Variants in ARPC5L observed in about 807,000 individuals in gnomAD.
The protein encoded by ARPC5L is actin related protein 2/3 complex subunit 5 like.
In ARPC5L, 4 loss-of-function variants were observed where a neutral mutation model predicts 16.9. That is an observed-to-expected ratio of 0.24 (90% CI 0.12 to 0.54). The LOEUF (loss-of-function observed/expected upper bound fraction) is 0.54, where lower values mean the gene tolerates loss of function less well. Among genes scored for constraint, ARPC5L ranks in the 20% least tolerant of loss-of-function variants. The pLI is 0.95. For missense variants in ARPC5L, 151 were observed against 201.9 expected, an observed-to-expected ratio of 0.75 and a Z score of 1.53; for synonymous variants, 78 against 82.6, an observed-to-expected ratio of 0.94 and a Z score of 0.30.
chr9:124,875,170 G>A lies in ARPC5L; in HGVS notation c.399+19G>A, dbSNP rs767697734. 16 of 1,606,432 alleles carry A rather than the reference G, an allele frequency of 1.0e-5. No individual in the cohort carries two copies. The highest frequency in any genetic ancestry group is 2.2e-5 in the East Asian group (1 of 44,788). On this transcript the variant is annotated intron_variant, in intron 5 of 5. Transcript: ENST00000353214. The stretch of plus-strand genomic sequence containing the variant: ...CGAAAAGGTATGTGAACGCTGCCAC[G>A]CGCCCCAGTGAGCCACCTGGCTTGC...
intron 2 of ARPC5L, among the ~76,000 whole-genome samples, chr9:124,867,803 CTTTTCTTTTT>C: frequency 8.3e-6 from 1 of 120,170 alleles, no homozygotes; most frequent in East Asian, 2.4e-4. Flanking sequence ...CTTTTCTTTT[CTTTTCTTTTT>C]TTTTTTTTTT....
At chr9:124,871,819 C>G (rs1564312394) in intron 3 of ARPC5L, among the ~76,000 whole-genome samples, 1 of 152,114 alleles carries the variant, frequency 6.6e-6, no homozygotes, top group African/African-American at 2.4e-5. Flanking sequence ...GGGGATGCCA[C>G]TGGAATCCAG....
At chr9:124,866,704 G>A (rs2131330651) in intron 2 of ARPC5L, among the ~76,000 whole-genome samples, 1 of 152,170 alleles carries the variant, frequency 6.6e-6, no homozygotes. Context: ...GGCAATAAGA[G>A]CAAAACTCCG....
In ARPC5L at chr9:124,869,376, A is replaced by AGGCGGCGGC. The variant is rs757429790; in HGVS notation, c.98_106dup (p.Ala33_Ala35dup). 23 of 1,517,912 alleles carry AGGCGGCGGC rather than the reference A, an allele frequency of 1.5e-5. No individual in the cohort carries two copies. Among genetic ancestry groups the AGGCGGCGGC allele is most frequent in the African/African-American group, 2.9e-5 (2 of 68,590 alleles). The allele number at this position is 1,517,912 out of a possible 1,614,324, so 94.0% of individuals were successfully genotyped here. ...AACAAATTTGTGGACGAGCAGGAGGAGGCGGCGGCGGCGGCGGCGGAGCCA... is the reference window on the plus strand; with the variant it reads ...AACAAATTTGTGGACGAGCAGGAGGAGGCGGCGGCGGCGGCGGCGGCGGCGGCGGAGCCA... On this transcript the variant is annotated inframe_insertion, in exon 3 of 6. Transcript: ENST00000353214.
At chr9:124,874,356 A>G (rs902799466) in intron 4 of ARPC5L, among the ~76,000 whole-genome samples, 2 of 152,104 alleles carry the variant, frequency 1.3e-5, no homozygotes, top group South Asian at 4.1e-4. Context: ...TTATTTTTTA[A>G]TAGTCCACCA....
At position 124,869,037 on chromosome 9, in the gene ARPC5L, T is replaced by A. The variant is rs1291646867; in HGVS notation, c.-254T>A. 2.1e-5 allele frequency: 8 copies of A among 376,380 alleles called. No homozygotes were observed. In the East Asian group the frequency reaches 3.4e-4, roughly 16 times the overall value. 23.3% of individuals were successfully genotyped at this position (376,380 alleles called of 1,614,324 possible). Reference sequence around the variant, plus strand: ...AATAGAGACTCCGTGGAAGGGACACTGAGGTGGGGGAGGCTGCGGTGATCC... The same window carrying A: ...AATAGAGACTCCGTGGAAGGGACACAGAGGTGGGGGAGGCTGCGGTGATCC... On this transcript the variant is annotated 5_prime_UTR_variant, in exon 3 of 6. Transcript: ENST00000353214.
intron 3 of ARPC5L, among the ~76,000 whole-genome samples, chr9:124,870,556 C>T (rs989585481): frequency 6.6e-6 from 1 of 152,116 alleles, no homozygotes; most frequent in Non-Finnish European, 1.5e-5. Flanking sequence ...AAACCGAAAA[C>T]CTTCAGACTT....
At chr9:124,868,112 C>G (rs150335579) in intron 2 of ARPC5L, among the ~76,000 whole-genome samples, 1 of 152,050 alleles carries the variant, frequency 6.6e-6, no homozygotes, top group Non-Finnish European at 1.5e-5. Context: ...CCACTAGTTT[C>G]CCACTATGGG....
chr9:124,874,855 T>C (rs1468297075), intron 4 of ARPC5L, 120 bp from the exon 5 acceptor site: 2 of 1,243,870 alleles, frequency 1.6e-6, no homozygotes, highest in Non-Finnish European at 2.3e-6. Flanking sequence ...ATTTTAACCA[T>C]CCTGGACGAA....
intron 1 of ARPC5L, 45 bp from the exon 2 acceptor site, chr9:124,863,943 A>G (rs1435460696): frequency 2.0e-5 from 3 of 152,228 alleles, no homozygotes; most frequent in African/African-American, 4.8e-5. Flanking sequence ...CTTAGCCCCA[A>G]ACAGGCTGAA....
At chr9:124,864,250 A>G (rs1054750116) in intron 2 of ARPC5L, 143 bp downstream of exon 2, 2 of 151,790 alleles carry the variant, frequency 1.3e-5, no homozygotes, top group Non-Finnish European at 2.9e-5. Context: ...CAGTGGCACA[A>G]TTTCAGCTCA....
intron 3 of ARPC5L, chr9:124,872,691 C>T (rs1829377178): frequency 6.6e-6 from 1 of 152,254 alleles, no homozygotes; most frequent in Non-Finnish European, 1.5e-5. Context: ...AACTGAAAGA[C>T]AGAGGGACTG....
Position 124,877,136 on chromosome 9 carries a change from G to A in ARPC5L, c.*196G>A. On this transcript the variant is annotated 3_prime_UTR_variant, in exon 6 of 6. Transcript: ENST00000353214. ...CCTAAATCCTGTTTAGGATCTGATA[G>A]TCTATGCCTTTGTCTCCGAGTACTG... 8.6e-6 allele frequency: 5 copies of A among 582,348 alleles called. No homozygotes were observed. The East Asian group carries it at 1.2e-4, about 14-fold the overall frequency. 36.1% of individuals were successfully genotyped at this position (582,348 alleles called of 1,614,324 possible).
intron 3 of ARPC5L, among the ~76,000 whole-genome samples, chr9:124,870,287 A>G (rs1322276552): frequency 1.3e-5 from 2 of 152,242 alleles, no homozygotes; most frequent in Non-Finnish European, 2.9e-5. Flanking sequence ...AAGATTAAAA[A>G]TAGAGGTGAT....
At chr9:124,866,104 T>TAAAAAAAC (rs906897161) in intron 2 of ARPC5L, among the ~76,000 whole-genome samples, 1 of 137,746 alleles carries the variant, frequency 7.3e-6, no homozygotes, top group Non-Finnish European at 1.6e-5. Context: ...GACTCCCTCT[T>TAAAAAAAC]AAAAAAACAA....
chr9:124,869,275 G>A lies in ARPC5L; in HGVS notation c.-16G>A. ...GCCGCGAGCGGAGCCGGCTGAGCGGGCGCCGAGCTCCCGCCATGGCCCGGA... is the reference window on the plus strand; with the variant it reads ...GCCGCGAGCGGAGCCGGCTGAGCGGACGCCGAGCTCCCGCCATGGCCCGGA... On this transcript the variant is annotated 5_prime_UTR_variant, in exon 3 of 6. Coordinates refer to ENST00000353214, the MANE Select transcript of ARPC5L (RefSeq NM_030978.3). 2 of 1,513,208 alleles carry A rather than the reference G, an allele frequency of 1.3e-6. No individual in the cohort carries two copies. Among genetic ancestry groups the A allele is most frequent in the Non-Finnish European group, 1.8e-6 (2 of 1,131,470 alleles). The allele number at this position is 1,513,208 out of a possible 1,614,324, so 93.7% of individuals were successfully genotyped here.
intron 3 of ARPC5L, 61 bp downstream of exon 3, chr9:124,869,500 CACCTTCTCGG>C: frequency 7.1e-7 from 1 of 1,405,230 alleles, no homozygotes. Flanking sequence ...CCCACCTTCC[CACCTTCTCGG>C]GCCCTTTCGG....
chr9:124,863,698 G>A (rs766963142), intron 1 of ARPC5L, among the ~76,000 whole-genome samples: 2 of 152,200 alleles, frequency 1.3e-5, no homozygotes, highest in Non-Finnish European at 2.9e-5. Flanking sequence ...AGTAGAGCCC[G>A]GAAAGTGAAA....
chr9:124,867,371 C>T (rs1829284510), intron 2 of ARPC5L, among the ~76,000 whole-genome samples: 1 of 152,056 alleles, frequency 6.6e-6, no homozygotes, highest in Admixed American at 6.6e-5. Context: ...GAATTCCTGA[C>T]CTCAGGTGAT....
Sources: allele counts gnomAD v4.1 joint callset (sites outside exome capture counted in the v4.1 genomes callset), GRCh38; gene constraint gnomAD v4.1.1; transcripts MANE v1.5; gene names NCBI Gene and HGNC (gene_info 2026-07-23, HGNC 2026-07-21).